Variants in SMCO2 observed in about 807,000 individuals in gnomAD.
The protein encoded by SMCO2 is single-pass membrane protein with coiled-coil domains 2, also known as single-pass membrane and coiled-coil domain-containing protein 2.
In SMCO2, 25 loss-of-function variants were observed where a neutral mutation model predicts 29.5. The ratio of observed to expected loss-of-function variants is 0.85; its 90% confidence interval spans 0.62 to 1.18. SMCO2 has a LOEUF of 1.18. SMCO2 is among the 50% of genes most tolerant of loss of function. The pLI is 0.00. For missense variants in SMCO2, 348 were observed against 344.5 expected, an observed-to-expected ratio of 1.01 and a Z score of -0.08; for synonymous variants, 117 against 123.3, an observed-to-expected ratio of 0.95 and a Z score of 0.34.
intron 7 of SMCO2, chr12:27,498,001 CG>C (rs1943032337): frequency 7.0e-6 from 2 of 286,394 alleles, no homozygotes; most frequent in South Asian, 9.7e-5. Context: ...CAGTTCATCT[CG>C]TAGACCTGGA....
chr12:27,479,874 C>T lies in SMCO2; in HGVS notation c.362+4961C>T, dbSNP rs570731904. Among the ~76,000 whole-genome samples the T allele has an allele frequency of 1.7e-4, 25 of 147,550 alleles. No homozygotes were observed. The South Asian group carries it at 1.7e-3, about 10-fold the overall frequency. ...TAAAAAGTCTTTCCTTCATAAATTA[C>T]GCAGTCTCACACGTCTTTACTAGCA... On this transcript the variant is annotated intron_variant, in intron 4 of 7. Transcript: ENST00000298876.
chr12:27,501,384 C>G (rs1350640054), intron 7 of SMCO2, among the ~76,000 whole-genome samples: 1 of 128,686 alleles, frequency 7.8e-6, no homozygotes, highest in Non-Finnish European at 1.6e-5. Flanking sequence ...CCACTGCAGT[C>G]CAGCTTGGGC....
At chr12:27,438,622 C>T in the SMCO2 span, among the ~76,000 whole-genome samples, 2 of 152,186 alleles carry the variant, frequency 1.3e-5, no homozygotes, top group South Asian at 2.1e-4. Context: ...TGATCAACTA[C>T]ATTAGTCATT....
intron 5 of SMCO2, among the ~76,000 whole-genome samples, chr12:27,492,436 G>A: frequency 6.6e-6 from 1 of 152,136 alleles, no homozygotes; most frequent in East Asian, 1.9e-4. Flanking sequence ...GGTGGCTCAT[G>A]CCTGTAATCC....
chr12:27,497,423 T>A (rs530988956), intron 7 of SMCO2: 1 of 221,128 alleles, frequency 4.5e-6, no homozygotes, highest in Admixed American at 4.2e-5. Context: ...GGTCCCAGGA[T>A]GTTCCATACC....
the SMCO2 span, among the ~76,000 whole-genome samples, chr12:27,449,913 A>G: frequency 1.3e-5 from 2 of 152,304 alleles, no homozygotes; most frequent in Non-Finnish European, 2.9e-5. Flanking sequence ...CCCTTCCTGT[A>G]GGACTGTTGA....
At chr12:27,443,937 A>T in the SMCO2 span, among the ~76,000 whole-genome samples, 11 of 152,240 alleles carry the variant, frequency 7.2e-5, no homozygotes, top group Admixed American at 7.2e-4. Flanking sequence ...CTATCAAAAT[A>T]CCAGTGACAT....
At chr12:27,466,073 G>A (rs897768362), upstream of SMCO2, among the ~76,000 whole-genome samples, 3 of 152,178 alleles carry the variant, frequency 2.0e-5, no homozygotes, top group Non-Finnish European at 2.9e-5. Context: ...GAGGAACTTC[G>A]AAGGAGACGA....
At chr12:27,498,550 G>C in intron 7 of SMCO2, 1 of 234,488 alleles carries the variant, frequency 4.3e-6, no homozygotes, top group South Asian at 6.7e-5. Context: ...TCCTGGCTGA[G>C]GAGTTCAATA....
At chr12:27,443,061 AAAG>A in the SMCO2 span, among the ~76,000 whole-genome samples, 3 of 152,216 alleles carry the variant, frequency 2.0e-5, no homozygotes, top group Non-Finnish European at 4.4e-5. Context: ...AAATACCACA[AAAG>A]AAGAAAACTA....
chr12:27,447,384 C>G, the SMCO2 span, among the ~76,000 whole-genome samples: 14 of 152,160 alleles, frequency 9.2e-5, no homozygotes, highest in Admixed American at 2.6e-4. Context: ...CCTGGCTAAC[C>G]CTTTCTTGCT....
At chr12:27,491,938 G>A (rs369664584) in intron 5 of SMCO2, among the ~76,000 whole-genome samples, 3 of 151,948 alleles carry the variant, frequency 2.0e-5, no homozygotes, top group South Asian at 2.1e-4. Context: ...TTGAACTCCC[G>A]ACCTCAAGCG....
At chr12:27,488,206 A>C (rs1949705560) in intron 4 of SMCO2, among the ~76,000 whole-genome samples, 2 of 152,280 alleles carry the variant, frequency 1.3e-5, no homozygotes, top group South Asian at 4.1e-4. Context: ...TAGAAATTTT[A>C]TAAACTTATA....
At chr12:27,475,628 A>T (rs1370125424) in intron 4 of SMCO2, 1 of 1,550,398 alleles carries the variant, frequency 6.4e-7, no homozygotes, top group Non-Finnish European at 8.7e-7. Context: ...GAACACAAAG[A>T]TAGGTCTCCA....
intron 4 of SMCO2, among the ~76,000 whole-genome samples, chr12:27,486,709 A>G (rs1485874987): frequency 6.6e-6 from 1 of 152,250 alleles, no homozygotes; most frequent in East Asian, 1.9e-4. Flanking sequence ...AGCATTCAGC[A>G]TAATACTTGG....
chr12:27,493,424 C>T (rs1212544959), intron 5 of SMCO2, among the ~76,000 whole-genome samples: 2 of 152,056 alleles, frequency 1.3e-5, no homozygotes, highest in East Asian at 3.9e-4. Flanking sequence ...CCCAACTACT[C>T]AGGAGACTGA....
At chr12:27,501,847 G>A in intron 7 of SMCO2, 76 bp from the exon 9 acceptor site, 1 of 1,145,982 alleles carries the variant, frequency 8.7e-7, no homozygotes, top group Non-Finnish European at 1.2e-6. Context: ...AGAGCTACCT[G>A]GGTGGAGGTG....
intron 5 of SMCO2, among the ~76,000 whole-genome samples, chr12:27,493,115 A>T (rs1055634146): frequency 6.6e-6 from 1 of 152,214 alleles, no homozygotes. Context: ...CTCATTTATA[A>T]GTGGGAGCCA....
the SMCO2 span, among the ~76,000 whole-genome samples, chr12:27,430,683 C>CT: frequency 6.6e-6 from 1 of 152,158 alleles, no homozygotes; most frequent in South Asian, 2.1e-4. Context: ...AAAATCGAAC[C>CT]TTTATTAAAT....
Sources: gnomAD v4.1 joint callset for allele counts (sites outside exome capture counted in the v4.1 genomes callset) on GRCh38, gnomAD v4.1.1 for gene constraint, MANE v1.5 for transcripts, NCBI Gene and HGNC (gene_info 2026-07-23, HGNC 2026-07-21) for gene names.